The following AGTRAP variants were observed in gnomAD, a reference collection of about 807,000 sequenced individuals.
The protein encoded by AGTRAP is angiotensin II receptor associated protein, also known as type-1 angiotensin II receptor-associated protein.
A neutral mutation model predicts 15.2 loss-of-function variants in AGTRAP; 7 were observed. The observed-to-expected ratio is 0.46, with a 90% confidence interval of 0.26 to 0.87. AGTRAP has a LOEUF of 0.87. AGTRAP is among the 40% of genes least tolerant of loss of function. AGTRAP has a pLI of 0.15. For synonymous variants in AGTRAP, 74 were observed against 89.6 expected (o/e 0.83, Z 0.98); for missense variants, 187 against 213.4 (o/e 0.88, Z 0.77).
intron 2 of AGTRAP, among the ~76,000 whole-genome samples, 157 bp from the exon 3 acceptor site, chr1:11,747,283 G>A (rs1195170405): frequency 2.6e-5 from 4 of 152,210 alleles, no homozygotes; most frequent in Admixed American, 2.6e-4. Context: ...CCAGGGTCTG[G>A]GTGGGAGGCG....
intron 1 of AGTRAP, among the ~76,000 whole-genome samples, chr1:11,743,627 C>T (rs1366967329): frequency 4.1e-5 from 6 of 147,892 alleles, no homozygotes; most frequent in East Asian, 2.0e-4. Flanking sequence ...AGTACAATGG[C>T]GCGATCTCGG....
chr1:11,738,705 C>T (rs17875983), intron 1 of AGTRAP, among the ~76,000 whole-genome samples: 113 of 152,304 alleles, frequency 7.4e-4, no homozygotes, highest in Non-Finnish European at 1.2e-3. Context: ...TCACTAGGTT[C>T]TAAAGTCATG....
At position 11,748,464 on chromosome 1, in the gene AGTRAP, G is replaced by A. The variant is rs1252068594; in HGVS notation, c.218G>A (p.Ser73Asn). The change falls in exon 4 of 5, where the codon AGC (serine) becomes AAC (asparagine). Residue 73 changes from serine (S) to asparagine (N), a missense_variant. Coordinates refer to ENST00000314340, the MANE Select transcript of AGTRAP (RefSeq NM_020350.5). Reference protein sequence around the residue: ...ATIFLDIVHISIFYPRVSLTD... With the variant: ...ATIFLDIVHINIFYPRVSLTD... ...ATCTTCCTGGACATCGTGCACATCA[G>A]CATCTTCTACCCGCGGGTCAGCCTC... 6.2e-7 allele frequency: 1 copy of A among 1,613,876 alleles called. No homozygotes were observed. The highest frequency in any genetic ancestry group is 8.5e-7 in the Non-Finnish European group (1 of 1,180,024).
rs1232363065 is a variant in AGTRAP at position 11,748,517 on chromosome 1, A to T, written c.271A>T (p.Met91Leu). 6.2e-7 allele frequency: 1 copy of T among 1,612,836 alleles called. No individual in the cohort carries two copies. Among genetic ancestry groups the T allele is most frequent in the Non-Finnish European group, 8.5e-7 (1 of 1,180,014 alleles). Residue 91 changes from methionine (M) to leucine (L), a missense_variant, in exon 4 of 5, where the codon ATG (methionine) becomes TTG (leucine). Physicochemically the swap from Met to Leu is conservative, Grantham distance 15. Coordinates refer to ENST00000314340, the MANE Select transcript of AGTRAP (RefSeq NM_020350.5). ...GGACACGGGCCGCTTTGGCGTGGGCATGGCCATCCTCAGCTTGCTGCTCAA... is the reference window on the plus strand; with the variant it reads ...GGACACGGGCCGCTTTGGCGTGGGCTTGGCCATCCTCAGCTTGCTGCTCAA... ...LTDTGRFGVG[M>L]AILSLLLKPL...
In AGTRAP at chr1:11,750,370, T is replaced by C. The variant is rs1642289942; in HGVS notation, c.*178T>C. On this transcript the variant is annotated 3_prime_UTR_variant, in exon 5 of 5. Transcript: ENST00000314340. ...GGCCGCCCAGTACCATGCACACTCC[T>C]GTCCCGAACTCCCTGAGGCCTCCCC... is the stretch of plus-strand genomic sequence containing the variant. The C allele has an allele frequency of 4.5e-6, 3 of 663,264 alleles. No homozygotes were observed. The highest frequency in any genetic ancestry group is 7.9e-4 in the Middle Eastern group (2 of 2,532). 41.1% of individuals were successfully genotyped at this position (663,264 alleles called of 1,614,324 possible). A position where few individuals can be genotyped will look rare whatever the true frequency, so the allele number is the denominator to read the frequency against.
In AGTRAP at chr1:11,750,314, T is replaced by C. The variant is rs770170953; in HGVS notation, c.*122T>C. The C allele has an allele frequency of 2.2e-5, 20 of 928,516 alleles. No individual in the cohort carries two copies. The South Asian group carries it at 2.8e-4, about 13-fold the overall frequency. The allele number at this position is 928,516 out of a possible 1,614,324, so 57.5% of individuals were successfully genotyped here. A position where few individuals can be genotyped will look rare whatever the true frequency, so the allele number is the denominator to read the frequency against. ...TGGAATGTGTCCCCAGCTCAGGGAT[T>C]GCCTGAACCAAGAGGCCAGGAGCCC... On this transcript the variant is annotated 3_prime_UTR_variant, in exon 5 of 5. Transcript: ENST00000314340.
At chr1:11,746,083 T>G (rs1274151430) in intron 2 of AGTRAP, 3 of 1,591,532 alleles carry the variant, frequency 1.9e-6, no homozygotes, top group South Asian at 1.1e-5. Context: ...GCCTCAGCAC[T>G]GCAGCTTGAT....
At chr1:11,746,282 A>G in intron 2 of AGTRAP, 1 of 1,417,004 alleles carries the variant, frequency 7.1e-7, no homozygotes, top group Non-Finnish European at 9.7e-7. Context: ...GGGCCAAAAT[A>G]CAGATTTCTT....
chr1:11,741,704 T>C (rs953825530), intron 1 of AGTRAP, among the ~76,000 whole-genome samples: 1 of 152,196 alleles, frequency 6.6e-6, no homozygotes, highest in Non-Finnish European at 1.5e-5. Context: ...TTTTCTCAGC[T>C]GTAAAATGGG....
chr1:11,748,023 C>T (rs751365002), intron 3 of AGTRAP, among the ~76,000 whole-genome samples: 4 of 152,156 alleles, frequency 2.6e-5, no homozygotes, highest in East Asian at 1.9e-4. Flanking sequence ...TGAGCACTCC[C>T]GCACGGGCTC....
chr1:11,737,856 C>T (rs540544031), intron 1 of AGTRAP, among the ~76,000 whole-genome samples: 1 of 152,196 alleles, frequency 6.6e-6, no homozygotes, highest in Middle Eastern at 3.4e-3. Flanking sequence ...GCAAACGAGA[C>T]CCCAGTCTCC....
At chr1:11,741,213 T>A (rs1404556998) in intron 1 of AGTRAP, among the ~76,000 whole-genome samples, 1 of 149,636 alleles carries the variant, frequency 6.7e-6, no homozygotes, top group Non-Finnish European at 1.5e-5. Flanking sequence ...CCCCTCAGCC[T>A]CCCCCATCCC....
In AGTRAP at chr1:11,750,322, C is replaced by A; in HGVS notation, c.*130C>A. ...GTCCCCAGCTCAGGGATTGCCTGAACCAAGAGGCCAGGAGCCCCCATGGGC... is the reference window on the plus strand; with the variant it reads ...GTCCCCAGCTCAGGGATTGCCTGAAACAAGAGGCCAGGAGCCCCCATGGGC... On this transcript the variant is annotated 3_prime_UTR_variant, in exon 5 of 5. Transcript: ENST00000314340. The A allele has an allele frequency of 1.1e-6, 1 of 884,756 alleles. No individual in the cohort carries two copies. Among genetic ancestry groups the A allele is most frequent in the Non-Finnish European group, 1.8e-6 (1 of 553,362 alleles). 54.8% of individuals were successfully genotyped at this position (884,756 alleles called of 1,614,324 possible).
At chr1:11,739,928 G>A (rs576804471) in intron 1 of AGTRAP, among the ~76,000 whole-genome samples, 4 of 152,318 alleles carry the variant, frequency 2.6e-5, no homozygotes, top group East Asian at 1.9e-4. Flanking sequence ...AGGCCTTGGC[G>A]CCTGGACCAG....
rs183291546 is a variant in AGTRAP at position 11,750,207 on chromosome 1, C to T, written c.*15C>T. 236 of 1,603,226 alleles carry T rather than the reference C, an allele frequency of 1.5e-4. 1 individual carries two copies. The highest frequency in any genetic ancestry group is 8.4e-4 in the Admixed American group (50 of 59,694). On this transcript the variant is annotated 3_prime_UTR_variant, in exon 5 of 5. Transcript: ENST00000314340. The stretch of plus-strand genomic sequence containing the variant: ...GAGGGTACTGAAGCCAGCCACGCTG[C>T]GCCCGGCCCTGCCCCGGGCCTTCCT...
At position 11,742,913 on chromosome 1, in the gene AGTRAP, C is replaced by T. The variant is rs74054257; in HGVS notation, c.28-2890C>T. 5.4e-3 allele frequency among the ~76,000 whole-genome samples: 828 copies of T among 152,342 alleles called. 9 individuals are homozygous for T. The highest frequency in any genetic ancestry group is 0.019 in the African/African-American group (781 of 41,580). ...CCCCGGCCTTCTTCGCAAACCTTGCCCATGTCTGCGCCAGGACACTGCCTC... is the reference window on the plus strand; with the variant it reads ...CCCCGGCCTTCTTCGCAAACCTTGCTCATGTCTGCGCCAGGACACTGCCTC... On this transcript the variant is annotated intron_variant, in intron 1 of 4. Coordinates refer to ENST00000314340, the MANE Select transcript of AGTRAP (RefSeq NM_020350.5).
At chr1:11,738,190 C>T (rs1276793362) in intron 1 of AGTRAP, among the ~76,000 whole-genome samples, 2 of 152,142 alleles carry the variant, frequency 1.3e-5, no homozygotes, top group African/African-American at 4.8e-5. Context: ...GGGAACTGCT[C>T]CCTGTGGCCT....
intron 4 of AGTRAP, 22 bp from the exon 5 acceptor site, chr1:11,750,055 C>T (rs1241506160): frequency 2.5e-6 from 4 of 1,592,542 alleles, no homozygotes; most frequent in East Asian, 2.2e-5. Flanking sequence ...TTTTCTTTCC[C>T]ACCATGTCCC....
chr1:11,747,574 G>T, intron 3 of AGTRAP, 29 bp downstream of exon 3: 1 of 1,607,632 alleles, frequency 6.2e-7, no homozygotes. Flanking sequence ...GAGGCGGCAA[G>T]GCGGGGAGCC....
Sources: allele counts gnomAD v4.1 joint callset (sites outside exome capture counted in the v4.1 genomes callset), GRCh38; gene constraint gnomAD v4.1.1; transcripts MANE v1.5; gene names NCBI Gene and HGNC (gene_info 2026-07-23, HGNC 2026-07-21).